Variants in GSE1 observed in about 807,000 individuals in gnomAD.
GSE1 encodes the protein Gse1 coiled-coil protein, also known as genetic suppressor element 1.
A neutral mutation model predicts 112.6 loss-of-function variants in GSE1; 32 were observed. The observed-to-expected ratio is 0.28, with a 90% confidence interval of 0.21 to 0.38. The LOEUF (loss-of-function observed/expected upper bound fraction) is 0.38, where lower values mean the gene tolerates loss of function less well. GSE1 is among the 10% of genes least tolerant of loss of function. The pLI is 1.00. For missense variants in GSE1, 2,348 were observed against 1,699.2 expected (o/e 1.38, Z -6.71); for synonymous variants, 1,115 against 735.6 (o/e 1.52, Z -8.35).
chr16:85,360,924 C>T (rs2047058678), intron 2 of GSE1, among the ~76,000 whole-genome samples: 1 of 151,950 alleles, frequency 6.6e-6, no homozygotes, highest in Non-Finnish European at 1.5e-5. Context: ...CTTACAAGCA[C>T]AGGGCCACGT....
chr16:85,613,349 G>T lies in GSE1; in HGVS notation c.-43G>T. On this transcript the variant is annotated 5_prime_UTR_variant, in exon 1 of 16. Transcript: ENST00000253458. ...TTTAGACAAACACTGGGCGACGGTG[G>T]CTCCAGCATGTATCAGCCGAGGTGG... 1 of 1,565,506 alleles carries T rather than the reference G, an allele frequency of 6.4e-7. No homozygotes were observed. Among genetic ancestry groups the T allele is most frequent in the African/African-American group, 1.4e-5 (1 of 73,298 alleles).
chr16:85,324,957 A>T (rs190202649), intron 1 of GSE1, among the ~76,000 whole-genome samples: 7 of 152,228 alleles, frequency 4.6e-5, no homozygotes, highest in Admixed American at 1.3e-4. Context: ...TTATATCCCA[A>T]TTCATTTTTA....
At chr16:85,213,333 C>G (rs922913434) in intron 1 of GSE1, among the ~76,000 whole-genome samples, 5 of 151,750 alleles carry the variant, frequency 3.3e-5, no homozygotes, top group Non-Finnish European at 4.4e-5. Context: ...GCATTCCCAG[C>G]TACTTGGGAG....
At chr16:85,197,906 G>T (rs753251707) in intron 1 of GSE1, among the ~76,000 whole-genome samples, 2 of 152,192 alleles carry the variant, frequency 1.3e-5, no homozygotes, top group African/African-American at 2.4e-5. Context: ...CGTGGTTCTC[G>T]TGAGGTGTGT....
At chr16:85,272,392 G>A (rs981380971) in intron 1 of GSE1, among the ~76,000 whole-genome samples, 2 of 152,234 alleles carry the variant, frequency 1.3e-5, no homozygotes, top group Non-Finnish European at 2.9e-5. Context: ...CCTGATTCGA[G>A]ATCTGGTTTT....
At chr16:85,621,283 G>A (rs1330740534) in intron 1 of GSE1, among the ~76,000 whole-genome samples, 1 of 152,208 alleles carries the variant, frequency 6.6e-6, no homozygotes, top group African/African-American at 2.4e-5. Context: ...TGGGGAACCC[G>A]TTTAGATGGT....
chr16:85,661,302 G>A lies in GSE1; in HGVS notation c.1797G>A (p.Arg599=). The change falls in exon 9 of 16, where the codon CGG becomes CGA. Residue 599 remains arginine, a synonymous_variant. Coordinates refer to ENST00000253458, the MANE Select transcript of GSE1 (RefSeq NM_014615.5). ...SLMDNTLETR[R]AESHSLHSHP... ...TGGACAACACCTTGGAGACGCGGCG[G>A]GCCGAAAGCCACTCTCTGCACAGCC... The A allele has an allele frequency of 1.2e-6, 2 of 1,612,820 alleles. No homozygotes were observed. Among genetic ancestry groups the A allele is most frequent in the Non-Finnish European group, 1.7e-6 (2 of 1,179,952 alleles).
At position 85,401,041 on chromosome 16, in the gene GSE1, G is replaced by A. The variant is rs373419663; in HGVS notation, c.2464+43398G>A. Among the ~76,000 whole-genome samples, 17 of 152,116 alleles carry A rather than the reference G, an allele frequency of 1.1e-4. 1 individual carries two copies. Among genetic ancestry groups the A allele is most frequent in the East Asian group, 9.7e-4 (5 of 5,176 alleles). On this transcript the variant is annotated intron_variant, in intron 2 of 2. Coordinates refer to the GSE1 transcript ENST00000637419. ...GTGCAGATCCAGAGACCCCACCCAC[G>A]AAGACCTCCGCGTGGAGGCCAAACC...
upstream of GSE1, chr16:85,554,775 T>TGGGG (rs901552562): frequency 2.4e-6 from 1 of 424,060 alleles, no homozygotes; most frequent in Non-Finnish European, 2.6e-6. Flanking sequence ...CTGTCAGTCG[T>TGGGG]GGGGGGGGAG....
At chr16:85,609,765 C>T (rs2047884276), upstream of GSE1, among the ~76,000 whole-genome samples, 1 of 152,176 alleles carries the variant, frequency 6.6e-6, no homozygotes, top group African/African-American at 2.4e-5. Context: ...AGGGATCCTC[C>T]TACCTCACTT....
chr16:85,355,019 G>T (rs537330535), intron 1 of GSE1, among the ~76,000 whole-genome samples: 1 of 152,224 alleles, frequency 6.6e-6, no homozygotes, highest in Non-Finnish European at 1.5e-5. Context: ...TCCAGCCTAA[G>T]CCGCCGGCAT....
At chr16:85,662,213 A>C (rs1468658493) in intron 9 of GSE1, 1 of 164,168 alleles carries the variant, frequency 6.1e-6, no homozygotes, top group Non-Finnish European at 1.3e-5. Flanking sequence ...GCCCCGGGTC[A>C]GGGTAGGAGG....
At chr16:85,615,336 C>T (rs906240309) in intron 1 of GSE1, among the ~76,000 whole-genome samples, 2 of 152,254 alleles carry the variant, frequency 1.3e-5, no homozygotes, top group Non-Finnish European at 2.9e-5. Flanking sequence ...CCTGCGAGAG[C>T]AGCGACCTCG....
At chr16:85,435,276 G>T (rs559351456) in intron 2 of GSE1, among the ~76,000 whole-genome samples, 6 of 152,216 alleles carry the variant, frequency 3.9e-5, no homozygotes, top group Admixed American at 1.3e-4. Context: ...CTTCTCCCCA[G>T]CTCTAGAGAT....
intron 2 of GSE1, among the ~76,000 whole-genome samples, chr16:85,371,133 G>A (rs1042958513): frequency 1.3e-5 from 2 of 152,178 alleles, no homozygotes; most frequent in African/African-American, 2.4e-5. Flanking sequence ...CGCCCCCCTC[G>A]TTCCTTCCCC....
intron 1 of GSE1, among the ~76,000 whole-genome samples, chr16:85,578,290 T>G (rs1025047167): frequency 1.3e-5 from 2 of 152,228 alleles, no homozygotes; most frequent in Non-Finnish European, 2.9e-5. Context: ...CATCAGCGTT[T>G]TCACCTGAAT....
At chr16:85,402,200 G>A (rs544048874) in intron 2 of GSE1, among the ~76,000 whole-genome samples, 1 of 152,304 alleles carries the variant, frequency 6.6e-6, no homozygotes, top group Admixed American at 6.5e-5. Flanking sequence ...GGAACCTTGC[G>A]GCCTGGCGGG....
intron 1 of GSE1, among the ~76,000 whole-genome samples, chr16:85,558,332 T>TC (rs1277592804): frequency 6.6e-6 from 1 of 152,214 alleles, no homozygotes; most frequent in East Asian, 1.9e-4. Flanking sequence ...TTGGAGGCGC[T>TC]CAGGACCAGC....
At chr16:85,508,024 T>C (rs1038731750) in intron 2 of GSE1, among the ~76,000 whole-genome samples, 2 of 152,162 alleles carry the variant, frequency 1.3e-5, no homozygotes, top group Admixed American at 1.3e-4. Context: ...CCCCGACTTC[T>C]AACTCCGTCA....
Sources: gnomAD v4.1 joint callset for allele counts (sites outside exome capture counted in the v4.1 genomes callset) on GRCh38, gnomAD v4.1.1 for gene constraint, MANE v1.5 for transcripts, NCBI Gene and HGNC (gene_info 2026-07-23, HGNC 2026-07-21) for gene names.